Variants in HLF observed in about 807,000 individuals in gnomAD.
HLF encodes the protein hepatic leukemia factor.
HLF carries 3 observed loss-of-function variants against 22.6 expected under a neutral mutation model. That is an observed-to-expected ratio of 0.13 (90% CI 0.06 to 0.34). The LOEUF is 0.34. Ranked by LOEUF, HLF falls within the 10% of genes least tolerant of loss-of-function variation. The probability of loss-of-function intolerance (pLI) is 1.00; values close to 1 mark genes in which losing one functional copy is unlikely to be tolerated. For missense variants in HLF, 299 were observed against 389.2 expected (o/e 0.77, Z 1.95); for synonymous variants, 151 against 151.8 (o/e 0.99, Z 0.04).
chr17:55,316,762 C>G lies in HLF; in HGVS notation c.672+1315C>G, dbSNP rs368079859. ...TAACGGGGGCCCATGGGTGACAAAT[C>G]AATGGCTGTCACCCTGAGAATCAAA... On this transcript the variant is annotated intron_variant, in intron 3 of 3. Coordinates refer to ENST00000226067, the MANE Select transcript of HLF (RefSeq NM_002126.5). Among the ~76,000 whole-genome samples, 18 of 152,230 alleles carry G rather than the reference C, an allele frequency of 1.2e-4. No homozygotes were observed. The East Asian group carries it at 3.3e-3, about 28-fold the overall frequency.
chr17:55,269,157 T>G (rs1306832969), intron 2 of HLF, among the ~76,000 whole-genome samples: 3 of 152,116 alleles, frequency 2.0e-5, no homozygotes, highest in Admixed American at 1.3e-4. Context: ...GGAGCAAGAT[T>G]TAAATGGAAG....
At chr17:55,307,205 G>C (rs2145359049) in intron 2 of HLF, among the ~76,000 whole-genome samples, 1 of 138,478 alleles carries the variant, frequency 7.2e-6, no homozygotes, top group South Asian at 2.5e-4. Flanking sequence ...CCAGGCTGGA[G>C]TGCAGTGGCG....
chr17:55,280,780 C>T (rs1190064984), intron 2 of HLF, among the ~76,000 whole-genome samples: 1 of 152,148 alleles, frequency 6.6e-6, no homozygotes, highest in African/African-American at 2.4e-5. Flanking sequence ...CTTAACTCTC[C>T]TTTCTCTGTA....
intron 2 of HLF, among the ~76,000 whole-genome samples, chr17:55,275,374 G>A (rs1013161694): frequency 1.3e-5 from 2 of 152,238 alleles, no homozygotes; most frequent in South Asian, 2.1e-4. Context: ...GGGATTACAG[G>A]TGGAAACCAC....
intron 2 of HLF, among the ~76,000 whole-genome samples, chr17:55,276,180 A>T (rs982132328): frequency 6.6e-6 from 1 of 152,218 alleles, no homozygotes; most frequent in African/African-American, 2.4e-5. Flanking sequence ...TGGTCCCAGA[A>T]ATAGCATCTG....
Position 55,321,153 on chromosome 17 carries a change from A to C in HLF, c.*274A>C, listed in dbSNP as rs1171701189. On this transcript the variant is annotated 3_prime_UTR_variant, in exon 4 of 4. Transcript: ENST00000226067. ...TTTAGTTCCAACAAAGAAAGGTGCC[A>C]TGTCTTTACTAGACTGAGGAGCCCT... The C allele has an allele frequency of 4.7e-6, 2 of 424,090 alleles. No individual in the cohort carries two copies. The highest frequency in any genetic ancestry group is 8.7e-6 in the Non-Finnish European group (2 of 229,910). The allele number at this position is 424,090 out of a possible 1,614,324, so 26.3% of individuals were successfully genotyped here. A position where few individuals can be genotyped will look rare whatever the true frequency, so the allele number is the denominator to read the frequency against.
At chr17:55,289,320 G>A (rs765354614) in intron 2 of HLF, among the ~76,000 whole-genome samples, 3 of 152,202 alleles carry the variant, frequency 2.0e-5, no homozygotes, top group Non-Finnish European at 4.4e-5. Context: ...AAGAGTTGGA[G>A]CAGATTGATC....
chr17:55,307,694 C>A (rs1031329865), intron 2 of HLF, among the ~76,000 whole-genome samples: 1 of 152,000 alleles, frequency 6.6e-6, no homozygotes, highest in Non-Finnish European at 1.5e-5. Flanking sequence ...CCCCTCCATG[C>A]AGGTTCCATC....
intron 2 of HLF, among the ~76,000 whole-genome samples, chr17:55,274,987 T>C (rs1480585687): frequency 6.6e-6 from 1 of 152,258 alleles, no homozygotes; most frequent in African/African-American, 2.4e-5. Flanking sequence ...TTGCTTGCCC[T>C]TCTCTTAGCC....
intron 2 of HLF, among the ~76,000 whole-genome samples, chr17:55,268,550 C>T (rs1215526344): frequency 6.6e-6 from 1 of 151,900 alleles, no homozygotes; most frequent in Non-Finnish European, 1.5e-5. Context: ...TCTTGTCTGT[C>T]CTGAAGGAAA....
At chr17:55,311,494 A>G (rs1047836825) in intron 2 of HLF, among the ~76,000 whole-genome samples, 2 of 152,072 alleles carry the variant, frequency 1.3e-5, no homozygotes, top group African/African-American at 2.4e-5. Flanking sequence ...ACAGAGCGAG[A>G]GTCTGTCTCA....
At chr17:55,287,370 G>A (rs1362104521) in intron 2 of HLF, among the ~76,000 whole-genome samples, 1 of 149,594 alleles carries the variant, frequency 6.7e-6, no homozygotes, top group Non-Finnish European at 1.5e-5. Context: ...CAGTATCAAG[G>A]GTCAGTTCTG....
intron 2 of HLF, among the ~76,000 whole-genome samples, chr17:55,295,493 C>T (rs548745728): frequency 6.6e-6 from 1 of 152,238 alleles, no homozygotes; most frequent in African/African-American, 2.4e-5. Flanking sequence ...AGAACTTTGC[C>T]GCCTGGCAAG....
intron 2 of HLF, among the ~76,000 whole-genome samples, chr17:55,312,542 C>T (rs143518080): frequency 0.012 from 1,797 of 152,274 alleles, 19 homozygotes; most frequent in Middle Eastern, 0.024. Context: ...TTTGTACTAA[C>T]ATTGGAAATT....
intron 2 of HLF, among the ~76,000 whole-genome samples, chr17:55,284,662 C>G (rs1170061973): frequency 6.6e-6 from 1 of 152,124 alleles, no homozygotes; most frequent in Non-Finnish European, 1.5e-5. Flanking sequence ...TCTACTCTCT[C>G]CAACCAGAGG....
At chr17:55,276,052 G>A (rs978927116) in intron 2 of HLF, among the ~76,000 whole-genome samples, 18 of 152,196 alleles carry the variant, frequency 1.2e-4, no homozygotes, top group Non-Finnish European at 1.8e-4. Context: ...AGGCTGCAGT[G>A]AGCCTTGATT....
At chr17:55,285,107 C>T (rs975940186) in intron 2 of HLF, among the ~76,000 whole-genome samples, 12 of 152,140 alleles carry the variant, frequency 7.9e-5, no homozygotes, top group African/African-American at 2.9e-4. Flanking sequence ...TGGCTGCCCT[C>T]GTTCATAGAG....
In HLF at chr17:55,323,336, A is replaced by G. The variant is rs1460134403; in HGVS notation, c.*2457A>G. The G allele has an allele frequency of 4.6e-6, 1 of 215,478 alleles. No individual in the cohort carries two copies. The highest frequency in any genetic ancestry group is 9.4e-6 in the Non-Finnish European group (1 of 106,646). The allele number at this position is 215,478 out of a possible 1,614,324, so 13.3% of individuals were successfully genotyped here. ...AATTGTTAGATGGCAATAGTCATTA[A>G]AAACATAGAAAAATGATGTCTTTAA... On this transcript the variant is annotated 3_prime_UTR_variant, in exon 4 of 4. Transcript: ENST00000226067.
intron 2 of HLF, among the ~76,000 whole-genome samples, chr17:55,292,269 A>G (rs1205664276): frequency 6.6e-6 from 1 of 152,252 alleles, no homozygotes; most frequent in Non-Finnish European, 1.5e-5. Flanking sequence ...CCTGAAAGGA[A>G]GAGTCAATTG....
Sources: allele counts gnomAD v4.1 joint callset (sites outside exome capture counted in the v4.1 genomes callset), GRCh38; gene constraint gnomAD v4.1.1; transcripts MANE v1.5; gene names NCBI Gene and HGNC (gene_info 2026-07-23, HGNC 2026-07-21).